PAK5: variants seen among roughly 807,000 people sequenced by gnomAD.
PAK5 encodes p21 (RAC1) activated kinase 5.
Under a neutral mutation model 65.9 loss-of-function variants are expected in PAK5, and 16 were observed. That is an observed-to-expected ratio of 0.24 (90% confidence interval 0.16 to 0.37). The LOEUF (loss-of-function observed/expected upper bound fraction) is 0.37. PAK5 is among the 10% of genes least tolerant of loss of function. The probability of loss-of-function intolerance (pLI) is 1.00; values close to 1 mark genes in which losing one functional copy is unlikely to be tolerated. For missense variants in PAK5, 785 were observed against 903.9 expected, an observed-to-expected ratio of 0.87 and a Z score of 1.69; for synonymous variants, 371 against 354.9, an observed-to-expected ratio of 1.05 and a Z score of -0.51.
At chr20:9,632,256 G>A (rs2046931588) in intron 3 of PAK5, among the ~76,000 whole-genome samples, 2 of 152,106 alleles carry the variant, frequency 1.3e-5, no homozygotes, top group Admixed American at 6.5e-5. Flanking sequence ...TTCAGAGAGG[G>A]CCACTCTATG....
At chr20:9,766,082 T>A (rs2123660886) in intron 1 of PAK5, among the ~76,000 whole-genome samples, 1 of 151,354 alleles carries the variant, frequency 6.6e-6, no homozygotes, top group Non-Finnish European at 1.5e-5. Flanking sequence ...TTTAGCTGGG[T>A]GTGGTGGTGC....
In PAK5 at chr20:9,557,937, A is replaced by G. The variant is rs138010558; in HGVS notation, c.1617-203T>C. The stretch of plus-strand genomic sequence containing the variant: ...GCACTAAGAATGACAGGGACCAAAT[A>G]TAAGTCAAAGGAAAGAGATCACTAT... On this transcript the variant is annotated intron_variant, in intron 6 of 9. Transcript: ENST00000353224. Among the ~76,000 whole-genome samples the G allele has an allele frequency of 5.1e-3, 775 of 152,312 alleles. 4 individuals are homozygous for G. The highest frequency in any genetic ancestry group is 0.032 in the East Asian group (167 of 5,188).
At chr20:9,610,575 C>A (rs2046540029) in intron 3 of PAK5, among the ~76,000 whole-genome samples, 1 of 152,178 alleles carries the variant, frequency 6.6e-6, no homozygotes, top group South Asian at 2.1e-4. Context: ...AACAAATAGG[C>A]AAATATAAGA....
At chr20:9,696,186 C>A (rs924847714) in intron 2 of PAK5, among the ~76,000 whole-genome samples, 1 of 152,022 alleles carries the variant, frequency 6.6e-6, no homozygotes, top group African/African-American at 2.4e-5. Flanking sequence ...ACAGATCAAT[C>A]CATTTTATAT....
At chr20:9,745,657 A>G (rs1012998754) in intron 1 of PAK5, among the ~76,000 whole-genome samples, 1 of 152,128 alleles carries the variant, frequency 6.6e-6, no homozygotes, top group Non-Finnish European at 1.5e-5. Context: ...GCCTTGGTGA[A>G]AGGCAGGTTC....
intron 1 of PAK5, among the ~76,000 whole-genome samples, chr20:9,801,201 G>A (rs192200338): frequency 4.3e-4 from 65 of 152,006 alleles, no homozygotes; most frequent in African/African-American, 1.3e-3. Flanking sequence ...TAATTTAGTG[G>A]GTCACTCTTC....
At chr20:9,653,063 C>T (rs2047221737) in intron 2 of PAK5, among the ~76,000 whole-genome samples, 1 of 152,166 alleles carries the variant, frequency 6.6e-6, no homozygotes, top group Admixed American at 6.5e-5. Context: ...CAACTCCTCA[C>T]CCTGGCTTCA....
chr20:9,731,021 C>T (rs2048329915), intron 1 of PAK5, among the ~76,000 whole-genome samples: 1 of 152,172 alleles, frequency 6.6e-6, no homozygotes, highest in Admixed American at 6.6e-5. Flanking sequence ...TGGATATTAT[C>T]TTGACAAGGC....
intron 5 of PAK5, among the ~76,000 whole-genome samples, chr20:9,564,477 A>G (rs1235808871): frequency 6.6e-6 from 1 of 152,230 alleles, no homozygotes; most frequent in African/African-American, 2.4e-5. Flanking sequence ...ATTTAGCTAC[A>G]CTAGTAATAA....
chr20:9,834,962 T>C (rs977464321), intron 1 of PAK5, among the ~76,000 whole-genome samples: 3 of 152,220 alleles, frequency 2.0e-5, no homozygotes, highest in Non-Finnish European at 4.4e-5. Context: ...AAAACCTCAG[T>C]TGCCAAAAAA....
chr20:9,552,776 T>C (rs1263677091), intron 7 of PAK5, among the ~76,000 whole-genome samples: 1 of 151,644 alleles, frequency 6.6e-6, no homozygotes, highest in Non-Finnish European at 1.5e-5. Context: ...GGCTGGAGTG[T>C]AGTGGTATGA....
chr20:9,676,407 T>C (rs568926653), intron 2 of PAK5, among the ~76,000 whole-genome samples: 3 of 152,360 alleles, frequency 2.0e-5, no homozygotes, highest in Non-Finnish European at 4.4e-5. Flanking sequence ...AATTATGATT[T>C]ATTATTTTTG....
rs565025555 is a variant in PAK5, at chr20:9,579,457, A to T, written c.990+688T>A. Among the ~76,000 whole-genome samples, 3 of 152,322 alleles carry T rather than the reference A, an allele frequency of 2.0e-5. No homozygotes were observed. The South Asian group carries it at 6.2e-4, about 32-fold the overall frequency. On this transcript the variant is annotated intron_variant, in intron 4 of 9. Coordinates refer to ENST00000353224, the MANE Select transcript of PAK5 (RefSeq NM_177990.4). ...TGATTCCCAAACTTTAGGATATCAT[A>T]GACCAGTCAAATTTCAAAGCAAACT...
intron 1 of PAK5, among the ~76,000 whole-genome samples, chr20:9,813,726 G>A (rs1209359482): frequency 6.6e-6 from 1 of 152,102 alleles, no homozygotes; most frequent in Non-Finnish European, 1.5e-5. Flanking sequence ...AATGAAAGAA[G>A]CCAGGCACAA....
intron 3 of PAK5, among the ~76,000 whole-genome samples, chr20:9,635,790 C>T (rs1369259168): frequency 6.6e-6 from 1 of 152,030 alleles, no homozygotes; most frequent in Non-Finnish European, 1.5e-5. Context: ...CAAAAACAAA[C>T]AAACAAAAAA....
chr20:9,664,106 TC>T (rs1489592232), intron 2 of PAK5, among the ~76,000 whole-genome samples: 5 of 152,262 alleles, frequency 3.3e-5, no homozygotes, highest in African/African-American at 1.2e-4. Flanking sequence ...GAAAGTCCCT[TC>T]CATCAGGATT....
At chr20:9,627,370 A>G (rs530152061) in intron 3 of PAK5, among the ~76,000 whole-genome samples, 3 of 152,214 alleles carry the variant, frequency 2.0e-5, no homozygotes, top group Non-Finnish European at 4.4e-5. Context: ...CCAGCCTCAC[A>G]GCTCACATGT....
intron 2 of PAK5, among the ~76,000 whole-genome samples, chr20:9,699,327 T>C (rs2123457170): frequency 6.6e-6 from 1 of 152,216 alleles, no homozygotes; most frequent in Admixed American, 6.5e-5. Context: ...AGATGCCAAA[T>C]AAAATAGGCT....
chr20:9,595,318 G>A (rs1459714585), intron 3 of PAK5, among the ~76,000 whole-genome samples: 3 of 152,228 alleles, frequency 2.0e-5, no homozygotes, highest in Non-Finnish European at 2.9e-5. Context: ...ATGATGGAGC[G>A]TATTTATCCC....
Sources: allele counts gnomAD v4.1 joint callset (sites outside exome capture counted in the v4.1 genomes callset), GRCh38; gene constraint gnomAD v4.1.1; transcripts MANE v1.5; gene names NCBI Gene and HGNC (gene_info 2026-07-23, HGNC 2026-07-21).